Variants in MUC5B observed in about 807,000 individuals in gnomAD.
MUC5B encodes the protein mucin-5B.
In MUC5B, 116 loss-of-function variants were observed where a neutral mutation model predicts 376.9. The ratio of observed to expected loss-of-function variants is 0.31; its 90% CI spans 0.26 to 0.36. The LOEUF is 0.36. Ranked by LOEUF, MUC5B falls within the 10% of genes least tolerant of loss-of-function variation. The probability of loss-of-function intolerance (pLI) is 1.00; values close to 1 mark genes in which losing one functional copy is unlikely to be tolerated. For synonymous variants in MUC5B, 3,517 were observed against 3,390.9 expected, an observed-to-expected ratio of 1.04 and a Z score of -1.29; for missense variants, 7,165 against 7,769.9, an observed-to-expected ratio of 0.92 and a Z score of 2.93.
In MUC5B at chr11:1,257,827, G is replaced by A. The variant is rs548169026; in HGVS notation, c.16450+117G>A. On this transcript the variant is annotated intron_variant, in intron 41 of 48. Coordinates refer to ENST00000529681, the MANE Select transcript of MUC5B (RefSeq NM_002458.3). The surrounding 1 kb of genome is among the most constrained non-coding windows in gnomAD (Gnocchi z 8.9). The stretch of plus-strand genomic sequence containing the variant: ...CAGAGGAGAGCCACTGTGTCCTGGC[G>A]TGACCGCGGCAGGACCACTCGGCAG... 5.2e-5 allele frequency: 66 copies of A among 1,275,042 alleles called. No homozygotes were observed. Among genetic ancestry groups the A allele is most frequent in the East Asian group, 2.8e-4 (11 of 39,334 alleles). 79.0% of individuals were successfully genotyped at this position (1,275,042 alleles called of 1,614,324 possible). A position where few individuals can be genotyped will look rare whatever the true frequency, so the allele number is the denominator to read the frequency against.
At chr11:1,227,205 G>A in intron 5 of MUC5B, 60 bp downstream of exon 5, 1 of 1,579,510 alleles carries the variant, frequency 6.3e-7, no homozygotes, top group Non-Finnish European at 8.7e-7. Flanking sequence ...CCCACCGGGG[G>A]TCGAGGGATG....
rs117118765 is a variant in MUC5B at position 1,253,995 on chromosome 11, A to G, written c.15218-97A>G. On this transcript the variant is annotated intron_variant, in intron 33 of 48. Transcript: ENST00000529681. The surrounding 1 kb of genome is among the most constrained non-coding windows in gnomAD (Gnocchi z 4.3). ...GCCCCAGGGGCTTCAGTGGCTCCCC[A>G]AGGCGGCAGTCACAGTGGTGACGCT... The G allele has an allele frequency of 0.029, 43,582 of 1,497,442 alleles. 809 individuals carry two copies. The highest frequency in any genetic ancestry group is 0.032 in the Non-Finnish European group (36,144 of 1,120,040). The allele number at this position is 1,497,442 out of a possible 1,614,324, so 92.8% of individuals were successfully genotyped here. A position where few individuals can be genotyped will look rare whatever the true frequency, so the allele number is the denominator to read the frequency against.
rs1862092175 is a variant in MUC5B, at chr11:1,233,808, G to A, written c.2337G>A (p.Gly779=). Reference sequence around the variant, plus strand: ...TCTCTTGTAGTTCATGTACGGGTGGGAAGCTAAGCTGCCTGGGAGCCTCTC... The same window carrying A: ...TCTCTTGTAGTTCATGTACGGGTGGAAAGCTAAGCTGCCTGGGAGCCTCTC... The part of the protein sequence containing the change: ...DEGAVCSCTG[G]KLSCLGASLQ... The change falls in exon 19 of 49, where the codon GGG becomes GGA. Residue 779 remains glycine, a synonymous_variant. Transcript: ENST00000529681. 3.1e-6 allele frequency: 5 copies of A among 1,605,902 alleles called. No individual in the cohort carries two copies. Among genetic ancestry groups the A allele is most frequent in the Non-Finnish European group, 4.2e-6 (5 of 1,176,742 alleles).
chr11:1,226,834 T>C lies in MUC5B; in HGVS notation c.419T>C (p.Val140Ala), dbSNP rs1590167446. 3 of 1,609,720 alleles carry C rather than the reference T, an allele frequency of 1.9e-6. No individual in the cohort carries two copies. The highest frequency in any genetic ancestry group is 1.7e-5 in the Admixed American group (1 of 60,000). ...TRVVIKAQGL[V>A]LEASNGSVLI... ...GTTGTCATCAAGGCCCAGGGGCTGGTGCTGGAGGCGTCCAACGGCTCCGTC... is the reference window on the plus strand; with the variant it reads ...GTTGTCATCAAGGCCCAGGGGCTGGCGCTGGAGGCGTCCAACGGCTCCGTC... Residue 140 changes from valine to alanine, a missense_variant, in exon 4 of 49, where the codon GTG becomes GCG. By Grantham distance (64) the Val-to-Ala change is moderately conservative. Transcript: ENST00000529681.
chr11:1,235,058 AG>A, intron 21 of MUC5B, 26 bp from the exon 22 acceptor site: 1 of 1,598,448 alleles, frequency 6.3e-7, no homozygotes, highest in Non-Finnish European at 8.5e-7. Context: ...GGCCCCTGTG[AG>A]CAGGCACCAT....
intron 34 of MUC5B, 96 bp from the exon 35 acceptor site, chr11:1,254,598 T>G: frequency 1.5e-6 from 2 of 1,302,066 alleles, no homozygotes; most frequent in South Asian, 1.5e-5. Context: ...CACAGGGGGG[T>G]CTCTGCACAT....
intron 47 of MUC5B, 112 bp from the exon 48 acceptor site, chr11:1,260,514 G>A (rs1288251001): frequency 7.5e-6 from 11 of 1,458,678 alleles, no homozygotes; most frequent in Admixed American, 3.6e-5. Context: ...CTCCACCCTC[G>A]GTCCTGGAGG....
At chr11:1,229,931 C>T (rs2030498313) in intron 10 of MUC5B, 74 bp from the exon 11 acceptor site, 1 of 1,553,158 alleles carries the variant, frequency 6.4e-7, no homozygotes, top group African/African-American at 1.4e-5. Flanking sequence ...CAGCCTCCGC[C>T]TGCGGTGGGG....
At position 1,228,739 on chromosome 11, in the gene MUC5B, G is replaced by A. The variant is rs1027729137; in HGVS notation, c.950G>A (p.Arg317Gln). Residue 317 changes from arginine (R) to glutamine (Q), a missense_variant, in exon 8 of 49, where the codon CGG (arginine) becomes CAG (glutamine). This residue lies in a region of MUC5B where 640 missense variants were observed against 733.0 expected (regional missense o/e 0.87). Transcript: ENST00000529681. The part of the protein sequence containing the change: ...RQCAHAGGQP[R>Q]NWRCPELCPR... ...TGCGCCCACGCGGGGGGCCAGCCGC[G>A]GAACTGGAGGTGCCCTGAGCTCTGC... is the stretch of plus-strand genomic sequence containing the variant. 1.6e-5 allele frequency: 25 copies of A among 1,520,422 alleles called. No individual in the cohort carries two copies. The highest frequency in any genetic ancestry group is 2.5e-5 in the East Asian group (1 of 40,560). 94.2% of individuals were successfully genotyped at this position (1,520,422 alleles called of 1,614,324 possible). A position where few individuals can be genotyped will look rare whatever the true frequency, so the allele number is the denominator to read the frequency against.
rs888647847 is a variant in MUC5B at position 1,225,583 on chromosome 11, G to A, written c.71-98G>A. 3.6e-6 allele frequency: 4 copies of A among 1,119,134 alleles called. No individual in the cohort carries two copies. The African/African-American group carries it at 4.7e-5, about 13-fold the overall frequency. The allele number at this position is 1,119,134 out of a possible 1,614,324, so 69.3% of individuals were successfully genotyped here. A position where few individuals can be genotyped will look rare whatever the true frequency, so the allele number is the denominator to read the frequency against. On this transcript the variant is annotated intron_variant, in intron 1 of 48. Transcript: ENST00000529681. The stretch of plus-strand genomic sequence containing the variant: ...GAGACCGCCACCAAGGACCCCACAT[G>A]CGGCTGCCGCACCAGGGATGTGGCC...
rs753419871 is a variant in MUC5B at position 1,249,348 on chromosome 11, C to T, written c.12468C>T (p.Ser4156=). ...GPSGGDFDTY[S]NIRAAGGAVC... ...CTGGCGGGGACTTTGACACCTACTC[C>T]AACATCCGTGCGGCCGGAGGGGCCG... The change falls in exon 31 of 49, where the codon TCC becomes TCT. Residue 4156 remains serine (S), a synonymous_variant. Coordinates refer to ENST00000529681, the MANE Select transcript of MUC5B (RefSeq NM_002458.3). 109 of 1,610,640 alleles carry T rather than the reference C, an allele frequency of 6.8e-5. No homozygotes were observed. The highest frequency in any genetic ancestry group is 4.2e-5 in the Non-Finnish European group (50 of 1,179,486).
At position 1,244,540 on chromosome 11, in the gene MUC5B, C is replaced by A. The variant is rs370148331; in HGVS notation, c.7660C>A (p.Gln2554Lys). 2.3e-5 allele frequency: 36 copies of A among 1,535,872 alleles called. No homozygotes were observed. Among genetic ancestry groups the A allele is most frequent in the Non-Finnish European group, 2.8e-5 (31 of 1,118,382 alleles). The change falls in exon 31 of 49, where the codon CAG becomes AAG. Residue 2554 changes from glutamine (Q) to lysine (K), a missense_variant. Around this residue, in one of 31 missense-constraint regions of MUC5B, gnomAD observed 194 missense variants for 268.5 expected, o/e 0.72. Transcript: ENST00000529681. ...SLGTTWTRLSQTTTPTATMST... is the reference protein window; with the variant it reads ...SLGTTWTRLSKTTTPTATMST... ...GGGCACCACCTGGACCCGCCTATCA[C>A]AGACCACCACACCCACGGCCACCAT...
In MUC5B at chr11:1,236,463, A is replaced by G. The variant is rs1862159871; in HGVS notation, c.2958A>G (p.Ile986Met). ...CGGGTGGGGACCCACCCTACAAGAT[A>G]CGCTACATGGGGATCTTCCTGGTCA... The part of the protein sequence containing the change: ...RGPGGDPPYK[I>M]RYMGIFLVIE... Residue 986 changes from isoleucine (I) to methionine (M), a missense_variant, in exon 24 of 49, where the codon ATA becomes ATG. Around this residue, in one of 31 missense-constraint regions of MUC5B, gnomAD observed 530 missense variants for 604.0 expected, o/e 0.88. Transcript: ENST00000529681. 2.5e-6 allele frequency: 4 copies of G among 1,612,862 alleles called. No homozygotes were observed. The highest frequency in any genetic ancestry group is 1.7e-6 in the Non-Finnish European group (2 of 1,179,724).
chr11:1,249,244 A>T lies in MUC5B; in HGVS notation c.12364A>T (p.Thr4122Ser), dbSNP rs1488061579. The change falls in exon 31 of 49, where the codon ACG (threonine) becomes TCG (serine). Residue 4122 changes from threonine (T) to serine (S), a missense_variant. Physicochemically the swap from Thr to Ser is moderately conservative, Grantham distance 58. Transcript: ENST00000529681. The part of the protein sequence containing the change: ...PSSPTSAPIT[T>S]VVTTGCEPQC... Reference sequence around the variant, plus strand: ...CAGCCCCACATCGGCCCCCATAACCACGGTGGTGACCACGGGCTGTGAGCC... The same window carrying T: ...CAGCCCCACATCGGCCCCCATAACCTCGGTGGTGACCACGGGCTGTGAGCC... 1.9e-6 allele frequency: 3 copies of T among 1,611,416 alleles called. No individual in the cohort carries two copies. In the South Asian group the frequency reaches 3.3e-5, roughly 18 times the overall value.
chr11:1,256,951 C>T (rs1022700981), intron 39 of MUC5B, among the ~76,000 whole-genome samples, 180 bp downstream of exon 39: 17 of 152,142 alleles, frequency 1.1e-4, no homozygotes, highest in Admixed American at 9.8e-4. Flanking sequence ...TGCAGAGCCC[C>T]CACGGTCCCC....
chr11:1,240,292 T>C lies in MUC5B; in HGVS notation c.3887T>C (p.Ile1296Thr), dbSNP rs1270667094. The change falls in exon 30 of 49, where the codon ATC (isoleucine) becomes ACC (threonine). Residue 1296 changes from isoleucine (I) to threonine (T), a missense_variant. By Grantham distance (89) the Ile-to-Thr change is moderately conservative (BLOSUM62 -1). Coordinates refer to ENST00000529681, the MANE Select transcript of MUC5B (RefSeq NM_002458.3). ...ATCTGCGGAAGCAACGGCACCATCA[T>C]CAGGAAGGCTGTGGCATGTCCTGGA... is the stretch of plus-strand genomic sequence containing the variant. ...IAICGSNGTI[I>T]RKAVACPGTP... 6.2e-7 allele frequency: 1 copy of C among 1,613,550 alleles called. No homozygotes were observed. Among genetic ancestry groups the C allele is most frequent in the Admixed American group, 1.7e-5 (1 of 59,988 alleles).
intron 3 of MUC5B, 96 bp downstream of exon 3, chr11:1,226,372 G>A: frequency 1.4e-6 from 2 of 1,448,236 alleles, no homozygotes; most frequent in Non-Finnish European, 1.9e-6. Context: ...ACCAGGTGGG[G>A]CCGTTGGGCC....
Position 1,242,111 on chromosome 11 carries a change from G to C in MUC5B, c.5231G>C (p.Ser1744Thr), listed in dbSNP as rs531852634. 2.9e-5 allele frequency: 47 copies of C among 1,613,304 alleles called. No homozygotes were observed. In the East Asian group the frequency reaches 1.0e-3, roughly 35 times the overall value. ...GCTTCCAAAGAGCCGCTGACCACGAGCCTGGCGCCAACACTCACGAGCGAG... is the reference window on the plus strand; with the variant it reads ...GCTTCCAAAGAGCCGCTGACCACGACCCTGGCGCCAACACTCACGAGCGAG... ...STASKEPLTT[S>T]LAPTLTSELS... Residue 1744 changes from serine to threonine, a missense_variant, in exon 31 of 49, where the codon AGC becomes ACC. Around this residue, in one of 31 missense-constraint regions of MUC5B, gnomAD observed 897 missense variants for 779.6 expected, o/e 1.15. Coordinates refer to ENST00000529681, the MANE Select transcript of MUC5B (RefSeq NM_002458.3).
Position 1,242,852 on chromosome 11 carries a change from C to A in MUC5B, c.5972C>A (p.Thr1991Asn), listed in dbSNP as rs1862327607. The A allele has an allele frequency of 1.2e-6, 2 of 1,613,340 alleles. No homozygotes were observed. The highest frequency in any genetic ancestry group is 1.3e-5 in the African/African-American group (1 of 74,878). The change falls in exon 31 of 49, where the codon ACC becomes AAC. Residue 1991 changes from threonine (T) to asparagine (N), a missense_variant. Physicochemically the swap from Thr to Asn is moderately conservative, Grantham distance 65. This residue lies in a region of MUC5B where 897 missense variants were observed against 779.6 expected (regional missense o/e 1.15). Coordinates refer to ENST00000529681, the MANE Select transcript of MUC5B (RefSeq NM_002458.3). ...TPIPSSSLGT[T>N]WTRLSQTTTP... ...ATCCCCTCTTCCTCCCTGGGCACCA[C>A]CTGGACCCGCCTATCACAGACCACC...
Sources: allele counts gnomAD v4.1 joint callset (sites outside exome capture counted in the v4.1 genomes callset), GRCh38; gene constraint gnomAD v4.1.1; regional missense constraint gnomAD v4.1.1; non-coding constraint Gnocchi (gnomAD v3.1); transcripts MANE v1.5; gene names NCBI Gene and HGNC (gene_info 2026-07-23, HGNC 2026-07-21).